OLFML1: variants seen among roughly 807,000 people sequenced by gnomAD.
The protein encoded by OLFML1 is olfactomedin-like protein 1.
Under a neutral mutation model 37.3 loss-of-function variants are expected in OLFML1, and 33 were observed. That is an observed-to-expected ratio of 0.88 (90% confidence interval 0.67 to 1.18). OLFML1 has a LOEUF of 1.18. OLFML1 is among the 50% of genes most tolerant of loss of function. The pLI, the probability that OLFML1 is intolerant of heterozygous loss-of-function variation, is 0.00. For synonymous variants in OLFML1, 186 were observed against 181.3 expected, an observed-to-expected ratio of 1.03 and a Z score of -0.21; for missense variants, 545 against 483.7, an observed-to-expected ratio of 1.13 and a Z score of -1.19.
intron 2 of OLFML1, among the ~76,000 whole-genome samples, chr11:7,490,137 G>A (rs968244966): frequency 3.8e-5 from 5 of 133,110 alleles, no homozygotes; most frequent in African/African-American, 1.1e-4. Context: ...TTTGGTGGGG[G>A]GGGGGGCGGG....
chr11:7,495,000 TC>T (rs1848646024), intron 2 of OLFML1, among the ~76,000 whole-genome samples: 1 of 152,216 alleles, frequency 6.6e-6, no homozygotes, highest in Non-Finnish European at 1.5e-5. Context: ...ACAATAAAAC[TC>T]CTGTGTTTTC....
At chr11:7,500,377 T>C (rs1310895716) in intron 2 of OLFML1, among the ~76,000 whole-genome samples, 1 of 152,168 alleles carries the variant, frequency 6.6e-6, no homozygotes, top group East Asian at 1.9e-4. Flanking sequence ...AGAGAGCCCA[T>C]TGCCCTCATC....
intron 2 of OLFML1, among the ~76,000 whole-genome samples, chr11:7,489,896 A>G (rs868327390): frequency 2.0e-5 from 3 of 152,168 alleles, no homozygotes; most frequent in African/African-American, 7.2e-5. Context: ...ACCATTTATA[A>G]TTTTGAAACC....
chr11:7,487,919 A>T (rs1005899992), intron 1 of OLFML1, among the ~76,000 whole-genome samples: 2 of 152,170 alleles, frequency 1.3e-5, no homozygotes, highest in Admixed American at 1.3e-4. Flanking sequence ...TTACATATGT[A>T]TGACTAAATG....
chr11:7,506,738 T>C (rs1230951663), intron 2 of OLFML1, among the ~76,000 whole-genome samples: 1 of 152,134 alleles, frequency 6.6e-6, no homozygotes, highest in African/African-American at 2.4e-5. Context: ...GTGGATATGG[T>C]GGCATAACTA....
At chr11:7,486,154 C>A in intron 1 of OLFML1, 150 bp downstream of exon 1, 1 of 761,486 alleles carries the variant, frequency 1.3e-6, no homozygotes, top group Non-Finnish European at 2.1e-6. Flanking sequence ...CATAGTCTGG[C>A]AGTTTAGAGC....
intron 2 of OLFML1, among the ~76,000 whole-genome samples, chr11:7,496,836 C>T (rs1014954007): frequency 3.3e-5 from 5 of 152,026 alleles, no homozygotes; most frequent in South Asian, 2.1e-4. Context: ...AAGTGGAAAC[C>T]GATCAGAAAT....
At chr11:7,501,094 T>C (rs534581623) in intron 2 of OLFML1, among the ~76,000 whole-genome samples, 1 of 152,274 alleles carries the variant, frequency 6.6e-6, no homozygotes, top group East Asian at 1.9e-4. Flanking sequence ...CTATGGTCAC[T>C]CACAGGCTTA....
chr11:7,494,664 G>T (rs1458728690), intron 2 of OLFML1, among the ~76,000 whole-genome samples: 1 of 152,084 alleles, frequency 6.6e-6, no homozygotes, highest in African/African-American at 2.4e-5. Flanking sequence ...TCTGGCCACA[G>T]GGTGCAGAGC....
intron 2 of OLFML1, among the ~76,000 whole-genome samples, chr11:7,506,694 T>A (rs1848790393): frequency 6.6e-6 from 1 of 152,160 alleles, no homozygotes; most frequent in African/African-American, 2.4e-5. Flanking sequence ...AAGGCAGATG[T>A]TTGAACTCAT....
At chr11:7,486,107 C>G in intron 1 of OLFML1, 103 bp downstream of exon 1, 1 of 1,128,948 alleles carries the variant, frequency 8.9e-7, no homozygotes, top group Non-Finnish European at 1.3e-6. Context: ...TCCCAGATAG[C>G]AAATGACACA....
At chr11:7,504,562 C>T (rs1564922400) in intron 2 of OLFML1, among the ~76,000 whole-genome samples, 1 of 152,138 alleles carries the variant, frequency 6.6e-6, no homozygotes, top group Non-Finnish European at 1.5e-5. Flanking sequence ...TAGGAGACTG[C>T]TACAGTAGTC....
In OLFML1 at chr11:7,485,845, T is replaced by C; in HGVS notation, c.-31T>C. The C allele has an allele frequency of 6.2e-7, 1 of 1,609,590 alleles. No individual in the cohort carries two copies. The highest frequency in any genetic ancestry group is 2.2e-5 in the East Asian group (1 of 44,880). On this transcript the variant is annotated 5_prime_UTR_variant, in exon 1 of 3. Transcript: ENST00000329293. ...GACATCCTTGAGAAGAGCCACAGCA[T>C]AAGAGACTGCCCTGCTTGGTGTTTT...
rs774682868 is a variant in OLFML1 at position 7,509,502 on chromosome 11, G to T, written c.523G>T (p.Val175Leu). 1.2e-6 allele frequency: 2 copies of T among 1,614,100 alleles called. No individual in the cohort carries two copies. The highest frequency in any genetic ancestry group is 2.2e-5 in the East Asian group (1 of 44,894). ...MKDAVYNSPK[V>L]YLLIGSRNNT... ...AGATGCTGTCTATAACTCTCCAAAG[G>T]TGTACTTATTAATTGGATCCAGAAA... The change falls in exon 3 of 3, where the codon GTG becomes TTG. Residue 175 changes from valine (V) to leucine (L), a missense_variant. Val to Leu is a conservative substitution (Grantham distance 32). Coordinates refer to ENST00000329293, the MANE Select transcript of OLFML1 (RefSeq NM_198474.4).
chr11:7,501,169 G>T (rs1447274644), intron 2 of OLFML1, among the ~76,000 whole-genome samples: 2 of 152,182 alleles, frequency 1.3e-5, no homozygotes, highest in African/African-American at 2.4e-5. Context: ...ACAAGAGACA[G>T]GTTAGGCTTG....
chr11:7,499,093 G>T (rs1392183431), intron 2 of OLFML1, among the ~76,000 whole-genome samples: 1 of 152,118 alleles, frequency 6.6e-6, no homozygotes. Flanking sequence ...ATTAAATCAG[G>T]GGAAAAGTAT....
intron 1 of OLFML1, among the ~76,000 whole-genome samples, chr11:7,486,313 A>G: frequency 6.6e-6 from 1 of 152,200 alleles, no homozygotes; most frequent in East Asian, 1.9e-4. Context: ...CATAGCTAAA[A>G]TACTGCCTGG....
intron 2 of OLFML1, among the ~76,000 whole-genome samples, chr11:7,502,048 G>A (rs968866275): frequency 6.6e-6 from 1 of 152,230 alleles, no homozygotes; most frequent in Non-Finnish European, 1.5e-5. Flanking sequence ...TAATTTTCGG[G>A]TGGACATATT....
rs1848510526 is a variant in OLFML1, at chr11:7,485,581, G to A, written c.-295G>A. On this transcript the variant is annotated 5_prime_UTR_variant, in exon 1 of 3. Coordinates refer to ENST00000329293, the MANE Select transcript of OLFML1 (RefSeq NM_198474.4). ...GCAACCACTAGCCTGGGGAGGGTCC[G>A]CATGTGTCAAGGGTGAGGGCAACAG... 1 of 320,284 alleles carries A rather than the reference G, an allele frequency of 3.1e-6. No homozygotes were observed. Among genetic ancestry groups the A allele is most frequent in the African/African-American group, 2.1e-5 (1 of 47,480 alleles). The allele number at this position is 320,284 out of a possible 1,614,324, so 19.8% of individuals were successfully genotyped here. A position where few individuals can be genotyped will look rare whatever the true frequency, so the allele number is the denominator to read the frequency against.
Sources: allele counts gnomAD v4.1 joint callset (sites outside exome capture counted in the v4.1 genomes callset), GRCh38; gene constraint gnomAD v4.1.1; transcripts MANE v1.5; gene names NCBI Gene and HGNC (gene_info 2026-07-23, HGNC 2026-07-21).